The following SEMA5A variants were observed in gnomAD, a reference collection of about 807,000 sequenced individuals.
The protein encoded by SEMA5A is semaphorin 5A.
In SEMA5A, 55 loss-of-function variants were observed where a neutral mutation model predicts 135.5. The observed-to-expected ratio is 0.41, with a 90% CI of 0.33 to 0.51. The LOEUF is 0.51. Ranked by LOEUF, SEMA5A falls within the 20% of genes least tolerant of loss-of-function variation. The pLI, the probability that SEMA5A is intolerant of heterozygous loss-of-function variation, is 0.37. For missense variants in SEMA5A, 1,290 were observed against 1,419.9 expected (o/e 0.91, Z 1.47); for synonymous variants, 580 against 546.5 (o/e 1.06, Z -0.85).
At chr5:9,124,145 T>C (rs4146147) in intron 13 of SEMA5A, among the ~76,000 whole-genome samples, 26,768 of 151,510 alleles carry the variant, frequency 0.18, 2,705 homozygotes, top group East Asian at 0.32. Flanking sequence ...GCAGGGACCT[T>C]ATGGGGAGGG....
intron 14 of SEMA5A, among the ~76,000 whole-genome samples, chr5:9,119,836 G>A (rs1243455339): frequency 6.6e-6 from 1 of 152,046 alleles, no homozygotes; most frequent in Non-Finnish European, 1.5e-5. Flanking sequence ...GTGCAAATAA[G>A]AAGTGCAAAT....
intron 11 of SEMA5A, among the ~76,000 whole-genome samples, chr5:9,178,296 A>C (rs1744310880): frequency 1.3e-5 from 2 of 151,948 alleles, no homozygotes; most frequent in Admixed American, 1.3e-4. Context: ...TGAGGAAAAA[A>C]AATGTATAAG....
chr5:9,123,276 A>C (rs1740923583), intron 13 of SEMA5A, among the ~76,000 whole-genome samples: 1 of 113,582 alleles, frequency 8.8e-6, no homozygotes, highest in Non-Finnish European at 1.7e-5. Flanking sequence ...AAAAAAAAAA[A>C]AAAAAAAAAA....
At chr5:9,502,658 C>T (rs866696032) in intron 1 of SEMA5A, among the ~76,000 whole-genome samples, 14 of 152,246 alleles carry the variant, frequency 9.2e-5, no homozygotes, top group Admixed American at 7.2e-4. Context: ...TTGGCAGGCT[C>T]GCAGAGAAAC....
At chr5:9,200,691 TG>T (rs1412643326) in intron 9 of SEMA5A, among the ~76,000 whole-genome samples, 1 of 152,136 alleles carries the variant, frequency 6.6e-6, no homozygotes, top group African/African-American at 2.4e-5. Flanking sequence ...AGACTCTTCA[TG>T]GGGGGTAAAA....
At chr5:9,488,445 C>T (rs956415396) in intron 1 of SEMA5A, among the ~76,000 whole-genome samples, 1 of 152,168 alleles carries the variant, frequency 6.6e-6, no homozygotes, top group Non-Finnish European at 1.5e-5. Context: ...TGTGAAAGAA[C>T]TCTGGACATT....
At chr5:9,418,538 C>A (rs532418760) in intron 2 of SEMA5A, among the ~76,000 whole-genome samples, 1 of 152,314 alleles carries the variant, frequency 6.6e-6, no homozygotes, top group Admixed American at 6.5e-5. Context: ...TCAGCCCCCT[C>A]CCATGATGGT....
intron 10 of SEMA5A, among the ~76,000 whole-genome samples, chr5:9,194,293 T>C (rs1255236255): frequency 6.6e-6 from 1 of 152,238 alleles, no homozygotes; most frequent in African/African-American, 2.4e-5. Context: ...TTTTGAGATT[T>C]CTATATTAAA....
At chr5:9,215,894 G>A (rs1277550780) in intron 8 of SEMA5A, among the ~76,000 whole-genome samples, 2 of 151,508 alleles carry the variant, frequency 1.3e-5, no homozygotes, top group East Asian at 1.9e-4. Context: ...ATTTCCTTCA[G>A]TTCAGCTCTG....
At chr5:9,295,897 G>A (rs1391893300) in intron 5 of SEMA5A, among the ~76,000 whole-genome samples, 4 of 152,064 alleles carry the variant, frequency 2.6e-5, no homozygotes, top group East Asian at 1.9e-4. Flanking sequence ...ACATCCAGAC[G>A]ACCTGAGTGG....
chr5:9,288,864 G>T (rs538878106), intron 5 of SEMA5A, among the ~76,000 whole-genome samples: 1 of 152,240 alleles, frequency 6.6e-6, no homozygotes, highest in South Asian at 2.1e-4. Flanking sequence ...GAAAGAAGTA[G>T]AAATGAGGAC....
intron 5 of SEMA5A, among the ~76,000 whole-genome samples, chr5:9,271,355 A>G (rs1749964506): frequency 6.6e-6 from 1 of 152,150 alleles, no homozygotes; most frequent in African/African-American, 2.4e-5. Context: ...GTAGTTCTTT[A>G]TAGCACTATG....
At chr5:9,180,814 T>C (rs903186030) in intron 11 of SEMA5A, among the ~76,000 whole-genome samples, 3 of 152,020 alleles carry the variant, frequency 2.0e-5, no homozygotes, top group Non-Finnish European at 2.9e-5. Flanking sequence ...GAAAAGAAAA[T>C]TAGAAACAGA....
chr5:9,541,958 T>C (rs1183822243), intron 1 of SEMA5A, among the ~76,000 whole-genome samples: 1 of 152,240 alleles, frequency 6.6e-6, no homozygotes, highest in Non-Finnish European at 1.5e-5. Context: ...GGTCAAGTTT[T>C]CATTTGTTTT....
chr5:9,225,994 C>G (rs1034632586), intron 7 of SEMA5A, among the ~76,000 whole-genome samples: 2 of 152,058 alleles, frequency 1.3e-5, no homozygotes, highest in African/African-American at 4.8e-5. Flanking sequence ...TAAAAGGGGG[C>G]CCCAAAGAGT....
At chr5:9,258,803 CTTTTT>C (rs748703578) in intron 5 of SEMA5A, among the ~76,000 whole-genome samples, 9 of 48,990 alleles carry the variant, frequency 1.8e-4, no homozygotes, top group African/African-American at 2.5e-4. Flanking sequence ...TTCTTTCTTT[CTTTTT>C]TTTTTTTTTT....
chr5:9,346,970 T>C (rs1446600677), intron 3 of SEMA5A, among the ~76,000 whole-genome samples: 1 of 151,966 alleles, frequency 6.6e-6, no homozygotes, highest in Non-Finnish European at 1.5e-5. Flanking sequence ...TATAGACACT[T>C]AATAGACTAC....
intron 2 of SEMA5A, among the ~76,000 whole-genome samples, chr5:9,436,078 A>AT (rs1294661409): frequency 6.6e-6 from 1 of 152,222 alleles, no homozygotes; most frequent in Non-Finnish European, 1.5e-5. Context: ...TCTCTTGCAG[A>AT]TTATTTAAGC....
chr5:9,040,117 TGTTG>T lies in SEMA5A; in HGVS notation c.*2776_*2779del, dbSNP rs1252998505. On this transcript the variant is annotated 3_prime_UTR_variant, in exon 23 of 23. Coordinates refer to ENST00000382496, the MANE Select transcript of SEMA5A (RefSeq NM_003966.3). ...CAGAAAGGTGTAGCTTAAAACTATGTGTTGGTTTTTGTTCCACTTGTACCAAGAA... is the reference window on the plus strand; with the variant it reads ...CAGAAAGGTGTAGCTTAAAACTATGTGTTTTTGTTCCACTTGTACCAAGAA... The T allele has an allele frequency of 6.6e-6, 1 of 152,178 alleles. No homozygotes were observed. The highest frequency in any genetic ancestry group is 1.5e-5 in the Non-Finnish European group (1 of 68,044). 9.4% of individuals were successfully genotyped at this position (152,178 alleles called of 1,614,324 possible).
Sources: gnomAD v4.1 joint callset for allele counts (sites outside exome capture counted in the v4.1 genomes callset) on GRCh38, gnomAD v4.1.1 for gene constraint, MANE v1.5 for transcripts, NCBI Gene and HGNC (gene_info 2026-07-23, HGNC 2026-07-21) for gene names.